Variants in CADM2 observed in about 807,000 individuals in gnomAD.
CADM2 encodes the protein cell adhesion molecule 2.
Under a neutral mutation model 49.8 loss-of-function variants are expected in CADM2, and 12 were observed. The observed-to-expected ratio is 0.24, with a 90% CI of 0.15 to 0.39. The LOEUF (loss-of-function observed/expected upper bound fraction) is 0.39, where lower values mean the gene tolerates loss of function less well. Among genes scored for constraint, CADM2 ranks in the 10% least tolerant of loss-of-function variants. CADM2 has a pLI of 1.00. For synonymous variants in CADM2, 214 were observed against 175.4 expected, an observed-to-expected ratio of 1.22 and a Z score of -1.74; for missense variants, 378 against 492.3, an observed-to-expected ratio of 0.77 and a Z score of 2.20.
At chr3:86,037,712 T>C (rs1292389672) in intron 8 of CADM2, among the ~76,000 whole-genome samples, 2 of 152,214 alleles carry the variant, frequency 1.3e-5, no homozygotes, top group Non-Finnish European at 2.9e-5. Flanking sequence ...TCTTTACTGA[T>C]ACACCTTTAG....
intron 1 of CADM2, among the ~76,000 whole-genome samples, chr3:85,721,966 T>C (rs1454273401): frequency 2.0e-5 from 3 of 152,304 alleles, no homozygotes; most frequent in East Asian, 3.9e-4. Flanking sequence ...TGAGCAACAA[T>C]AGGTCAGAGG....
chr3:85,600,906 G>A (rs182798250), intron 1 of CADM2, among the ~76,000 whole-genome samples: 26 of 150,848 alleles, frequency 1.7e-4, no homozygotes, highest in African/African-American at 5.8e-4. Flanking sequence ...GAATAGCAAC[G>A]ATTATATCTT....
chr3:85,368,390 G>A (rs1324613597), intron 1 of CADM2, among the ~76,000 whole-genome samples: 1 of 151,950 alleles, frequency 6.6e-6, no homozygotes, highest in Non-Finnish European at 1.5e-5. Flanking sequence ...CATTGCGTGG[G>A]CCAATATTAT....
intron 1 of CADM2, among the ~76,000 whole-genome samples, chr3:85,401,350 G>T (rs1160957050): frequency 6.6e-6 from 1 of 152,170 alleles, no homozygotes; most frequent in Non-Finnish European, 1.5e-5. Flanking sequence ...CTAGAAGCAA[G>T]ATTCAGTTTA....
At chr3:85,392,764 C>T (rs2034577655) in intron 1 of CADM2, among the ~76,000 whole-genome samples, 1 of 152,048 alleles carries the variant, frequency 6.6e-6, no homozygotes, top group Non-Finnish European at 1.5e-5. Flanking sequence ...CTTAGAAAAT[C>T]CATTTAAATC....
At chr3:85,959,256 G>T (rs1205068050) in intron 7 of CADM2, among the ~76,000 whole-genome samples, 1 of 151,486 alleles carries the variant, frequency 6.6e-6, no homozygotes, top group East Asian at 2.0e-4. Context: ...AGCTTCCATG[G>T]CCTCTCCTGG....
At chr3:85,170,662 C>T (rs1162488675) in intron 1 of CADM2, among the ~76,000 whole-genome samples, 1 of 152,130 alleles carries the variant, frequency 6.6e-6, no homozygotes, top group African/African-American at 2.4e-5. Flanking sequence ...TAAAATTCTT[C>T]ATGGCTTTTC....
At chr3:85,435,513 A>G (rs2036884906) in intron 1 of CADM2, among the ~76,000 whole-genome samples, 1 of 152,076 alleles carries the variant, frequency 6.6e-6, no homozygotes, top group African/African-American at 2.4e-5. Flanking sequence ...ATGATTTATA[A>G]TCCTTTGGGT....
intron 1 of CADM2, among the ~76,000 whole-genome samples, chr3:85,181,675 CTTCA>C (rs2040938531): frequency 6.6e-6 from 1 of 151,910 alleles, no homozygotes; most frequent in South Asian, 2.1e-4. Context: ...TTTGCATTTA[CTTCA>C]TTCACTATTT....
intron 2 of CADM2, among the ~76,000 whole-genome samples, chr3:85,734,202 T>C (rs2068042686): frequency 6.6e-6 from 1 of 152,138 alleles, no homozygotes; most frequent in Non-Finnish European, 1.5e-5. Flanking sequence ...GGGAAAGTTA[T>C]CAGAATTCCT....
intron 1 of CADM2, among the ~76,000 whole-genome samples, chr3:85,489,142 A>G (rs973639485): frequency 2.0e-5 from 3 of 152,192 alleles, no homozygotes; most frequent in African/African-American, 7.2e-5. Context: ...ATCTTAAGAA[A>G]GGGGAATATA....
At chr3:84,977,602 C>A (rs2107120964) in intron 1 of CADM2, among the ~76,000 whole-genome samples, 1 of 152,026 alleles carries the variant, frequency 6.6e-6, no homozygotes, top group South Asian at 2.1e-4. Context: ...TTAGGACATG[C>A]TTTTGTTTTG....
At chr3:85,291,297 C>G (rs1386922520) in intron 1 of CADM2, among the ~76,000 whole-genome samples, 1 of 151,462 alleles carries the variant, frequency 6.6e-6, no homozygotes, top group Non-Finnish European at 1.5e-5. Context: ...GAGAAAAGAC[C>G]AAATCTACAT....
intron 1 of CADM2, among the ~76,000 whole-genome samples, chr3:85,562,913 C>T (rs2062141088): frequency 1.3e-5 from 2 of 152,122 alleles, no homozygotes; most frequent in South Asian, 4.1e-4. Flanking sequence ...GCATCTGTTC[C>T]AGGAAAGTTA....
chr3:86,013,299 C>T (rs1023642030), intron 8 of CADM2: 18 of 1,537,066 alleles, frequency 1.2e-5, no homozygotes, highest in Admixed American at 8.5e-5. Context: ...GGACATTTTA[C>T]CTCTATCCCT....
intron 1 of CADM2, among the ~76,000 whole-genome samples, chr3:85,381,111 A>ATGTGTG (rs1248928417): frequency 1.3e-5 from 2 of 152,064 alleles, no homozygotes; most frequent in Non-Finnish European, 2.9e-5. Flanking sequence ...AAGATAGGAT[A>ATGTGTG]TGTGTGTATG....
At chr3:85,983,962 TAACC>T (rs1488841347) in intron 8 of CADM2, among the ~76,000 whole-genome samples, 2 of 150,704 alleles carry the variant, frequency 1.3e-5, no homozygotes, top group African/African-American at 2.4e-5. Context: ...TACAGTGGCC[TAACC>T]AACCTTAAAA....
intron 7 of CADM2, among the ~76,000 whole-genome samples, chr3:85,942,255 T>C (rs920873761): frequency 1.8e-4 from 28 of 152,028 alleles, no homozygotes; most frequent in Non-Finnish European, 4.0e-4. Context: ...CTACAAGAGC[T>C]CCTGAAGGAA....
At chr3:85,731,304 A>G (rs1448602) in intron 2 of CADM2, among the ~76,000 whole-genome samples, 26,913 of 152,110 alleles carry the variant, frequency 0.18, 2,975 homozygotes, top group Non-Finnish European at 0.24. Flanking sequence ...AGTATTTCTT[A>G]TATATTAAGA....
Sources: gnomAD v4.1 joint callset for allele counts (sites outside exome capture counted in the v4.1 genomes callset) on GRCh38, gnomAD v4.1.1 for gene constraint, MANE v1.5 for transcripts, NCBI Gene and HGNC (gene_info 2026-07-23, HGNC 2026-07-21) for gene names.